The following CEP290 variants were observed in gnomAD, a reference collection of about 807,000 sequenced individuals.
CEP290 encodes centrosomal protein of 290 kDa.
CEP290 carries 317 observed loss-of-function variants against 344.9 expected under a neutral mutation model. That is an observed-to-expected ratio of 0.92 (90% CI 0.84 to 1.01). The LOEUF is 1.01. Among genes scored for constraint, CEP290 ranks in the 50% least tolerant of loss-of-function variants. The pLI is 0.00. For missense variants in CEP290, 2,754 were observed against 2,761.4 expected, an observed-to-expected ratio of 1.00 and a Z score of 0.06; for synonymous variants, 932 against 895.8, an observed-to-expected ratio of 1.04 and a Z score of -0.72.
intron 42 of CEP290, 45 bp from the exon 43 acceptor site, chr12:88,071,494 T>A: frequency 6.6e-7 from 1 of 1,519,396 alleles, no homozygotes; most frequent in African/African-American, 1.4e-5. Context: ...ATTCAGTGTT[T>A]GGCTTTTCAA....
Position 88,049,105 on chromosome 12 carries a change from G to A in CEP290, c.*79C>T, listed in dbSNP as rs1218195483. On this transcript the variant is annotated 3_prime_UTR_variant, in exon 54 of 54. Transcript: ENST00000552810. The stretch of plus-strand genomic sequence containing the variant: ...TAGTGAGAAGGAAATACTACAGTTC[G>A]GAGAACTGCTTATTTCCAAGTATAT... 1.4e-5 allele frequency: 11 copies of A among 781,244 alleles called. No individual in the cohort carries two copies. The highest frequency in any genetic ancestry group is 2.6e-5 in the Admixed American group (1 of 38,832). The allele number at this position is 781,244 out of a possible 1,614,324, so 48.4% of individuals were successfully genotyped here. A position where few individuals can be genotyped will look rare whatever the true frequency, so the allele number is the denominator to read the frequency against.
At chr12:88,092,976 G>A in intron 28 of CEP290, 144 bp from the exon 29 acceptor site, 1 of 641,560 alleles carries the variant, frequency 1.6e-6, no homozygotes, top group Non-Finnish European at 2.5e-6. Context: ...AGAACAGACT[G>A]AAGGAGGGTA....
At chr12:88,125,998 T>C (rs1468128419) in intron 12 of CEP290, among the ~76,000 whole-genome samples, 1 of 152,040 alleles carries the variant, frequency 6.6e-6, no homozygotes, top group African/African-American at 2.4e-5. Context: ...TAAAAGAGTA[T>C]AAAATTATTT....
chr12:88,089,414 G>A lies in CEP290; in HGVS notation c.3647C>T (p.Thr1216Ile), dbSNP rs1592857332. The change falls in exon 31 of 54, where the codon ACT (threonine) becomes ATT (isoleucine). Residue 1216 changes from threonine to isoleucine, a missense_variant. Physicochemically the swap from Thr to Ile is moderately conservative, Grantham distance 89. Coordinates refer to ENST00000552810, the MANE Select transcript of CEP290 (RefSeq NM_025114.4). ...AATTGACTCCAACTTACCAAGAGCA[G>A]TAGCCTCACTCAGTTGAAGAGAGAC... Reference protein sequence around the residue: ...HNVSLQLSEATALGKLESITS... With the variant: ...HNVSLQLSEAIALGKLESITS... 1 of 1,610,488 alleles carries A rather than the reference G, an allele frequency of 6.2e-7. No individual in the cohort carries two copies. Among genetic ancestry groups the A allele is most frequent in the Non-Finnish European group, 8.5e-7 (1 of 1,177,972 alleles).
Position 88,060,037 on chromosome 12 carries a change from CAA to C in CEP290, c.6523-19_6523-18del. 6.6e-7 allele frequency: 1 copy of C among 1,506,662 alleles called. No individual in the cohort carries two copies. Among genetic ancestry groups the C allele is most frequent in the Non-Finnish European group, 8.9e-7 (1 of 1,127,356 alleles). 93.3% of individuals were successfully genotyped at this position (1,506,662 alleles called of 1,614,324 possible). A position where few individuals can be genotyped will look rare whatever the true frequency, so the allele number is the denominator to read the frequency against. On this transcript the variant is annotated intron_variant, in intron 47 of 53. Transcript: ENST00000552810. ...TAATTCAGCCTAGTAAAAAAACAAACAAAATAAAAAGTATACATTATCAAAAC... is the reference window on the plus strand; with the variant it reads ...TAATTCAGCCTAGTAAAAAAACAAACAATAAAAAGTATACATTATCAAAAC...
In CEP290 at chr12:88,086,226, CTA is replaced by C. The variant is rs1484184285; in HGVS notation, c.4303-55_4303-54del. 4 of 1,584,782 alleles carry C rather than the reference CTA, an allele frequency of 2.5e-6. No homozygotes were observed. The South Asian group carries it at 3.6e-5, about 14-fold the overall frequency. Reference sequence around the variant, plus strand: ...AAAGCAGTTGCAGCATTGAGAGTAACTATTAATTTTTACAGCTGTATGATAAA... The same window carrying C: ...AAAGCAGTTGCAGCATTGAGAGTAACTTAATTTTTACAGCTGTATGATAAA... On this transcript the variant is annotated intron_variant, in intron 33 of 53. Transcript: ENST00000552810.
chr12:88,120,902 TG>T, intron 14 of CEP290, 94 bp downstream of exon 14: 2 of 954,296 alleles, frequency 2.1e-6, no homozygotes, highest in Non-Finnish European at 3.1e-6. Context: ...ACTTATGGAA[TG>T]TTTTTTAAAT....
intron 17 of CEP290, among the ~76,000 whole-genome samples, chr12:88,118,148 T>A (rs2039169576): frequency 6.6e-6 from 1 of 151,960 alleles, no homozygotes; most frequent in South Asian, 2.1e-4. Context: ...TAAAAACTAC[T>A]AAGTTTTATT....
At chr12:88,080,440 A>AT in intron 37 of CEP290, 45 bp from the exon 38 acceptor site, 1 of 1,459,436 alleles carries the variant, frequency 6.9e-7, no homozygotes, top group Non-Finnish European at 9.4e-7. Context: ...TTAATTTTTA[A>AT]TTTTTTTGAG....
chr12:88,083,447 A>G (rs1281696250), intron 36 of CEP290, among the ~76,000 whole-genome samples: 4 of 152,236 alleles, frequency 2.6e-5, no homozygotes, highest in Admixed American at 6.5e-5. Flanking sequence ...CAGGAGATCA[A>G]TAAGTGTTGA....
chr12:88,090,787 G>T lies in CEP290; in HGVS notation c.3514C>A (p.Gln1172Lys). The T allele has an allele frequency of 6.4e-7, 1 of 1,562,608 alleles. No homozygotes were observed. ...ARRQVEILNA[Q>K]QQSRDKEVES... ...ACTTCCTTGTCCCTAGATTGTTGTT[G>T]TGCATTCAAAATTTCAACTTGTCTT... The change falls in exon 30 of 54, where the codon CAA becomes AAA. Residue 1172 changes from glutamine to lysine, a missense_variant. Transcript: ENST00000552810.
chr12:88,128,378 T>G (rs2039860032), intron 11 of CEP290, among the ~76,000 whole-genome samples: 2 of 152,200 alleles, frequency 1.3e-5, no homozygotes, highest in Admixed American at 1.3e-4. Context: ...AAATTAGAAT[T>G]ATTCATTCAG....
chr12:88,129,773 T>C lies in CEP290; in HGVS notation c.773A>G (p.Asn258Ser), dbSNP rs2039955904. Reference protein sequence around the residue: ...QEMEKMTDEYNRMKAIVHQTD... With the variant: ...QEMEKMTDEYSRMKAIVHQTD... ...CTGATGCACAATAGCTTTCATTCTA[T>C]TATATTCATCAGTCATCTTCTCCAT... The change falls in exon 10 of 54, where the codon AAT becomes AGT. Residue 258 changes from asparagine (N) to serine (S), a missense_variant. Asn to Ser is a conservative substitution (Grantham distance 46, BLOSUM62 1). Transcript: ENST00000552810. 6.7e-7 allele frequency: 1 copy of C among 1,490,422 alleles called. No homozygotes were observed. Among genetic ancestry groups the C allele is most frequent in the South Asian group, 1.3e-5 (1 of 77,068 alleles). 92.3% of individuals were successfully genotyped at this position (1,490,422 alleles called of 1,614,324 possible).
Position 88,102,950 on chromosome 12 carries a change from G to T in CEP290, c.2879C>A (p.Ser960Tyr). The change falls in exon 26 of 54, where the codon TCT becomes TAT. Residue 960 changes from serine (S) to tyrosine (Y), a missense_variant. Physicochemically the swap from Ser to Tyr is moderately radical, Grantham distance 144 (BLOSUM62 -2). Transcript: ENST00000552810. The stretch of plus-strand genomic sequence containing the variant: ...CTGTTTATTAGCCAGTTCTAGTTCA[G>T]ACAAAGAAACACTATTATCTACAAC... ...QKVVDNSVSLSELELANKQYN... is the reference protein window; with the variant it reads ...QKVVDNSVSLYELELANKQYN... The T allele has an allele frequency of 6.3e-7, 1 of 1,596,724 alleles. No homozygotes were observed. Among genetic ancestry groups the T allele is most frequent in the Non-Finnish European group, 8.5e-7 (1 of 1,174,030 alleles).
chr12:88,056,720 T>A (rs1253784087), intron 49 of CEP290, among the ~76,000 whole-genome samples: 1 of 152,152 alleles, frequency 6.6e-6, no homozygotes, highest in Non-Finnish European at 1.5e-5. Context: ...TGACATAGAA[T>A]ACGTGTTACT....
At chr12:88,115,037 G>T in intron 19 of CEP290, 61 bp downstream of exon 19, 2 of 845,790 alleles carry the variant, frequency 2.4e-6, no homozygotes, top group East Asian at 2.7e-5. Flanking sequence ...GCCCTTTTAG[G>T]CCCATGATTT....
intron 41 of CEP290, among the ~76,000 whole-genome samples, chr12:88,073,575 A>G (rs1275241959): frequency 6.6e-6 from 1 of 152,196 alleles, no homozygotes; most frequent in African/African-American, 2.4e-5. Flanking sequence ...TAAAGGGGAA[A>G]TTATGAAACA....
In CEP290 at chr12:88,109,158, C is replaced by A; in HGVS notation, c.2391G>T (p.Lys797Asn). ...LLQELENKEK[K>N]LKNLEDSLED... ...CAAGAGAATCTTCTAAATTCTTTAA[C>A]TTTTTTTCTTTATTTTCTAGTTCCT... The change falls in exon 23 of 54, where the codon AAG (lysine) becomes AAT (asparagine). Residue 797 changes from lysine to asparagine, a missense_variant. Physicochemically the swap from Lys to Asn is moderately conservative, Grantham distance 94. Coordinates refer to ENST00000552810, the MANE Select transcript of CEP290 (RefSeq NM_025114.4). 1 of 1,331,864 alleles carries A rather than the reference C, an allele frequency of 7.5e-7. No homozygotes were observed. Among genetic ancestry groups the A allele is most frequent in the South Asian group, 1.5e-5 (1 of 66,336 alleles). The allele number at this position is 1,331,864 out of a possible 1,614,324, so 82.5% of individuals were successfully genotyped here. A position where few individuals can be genotyped will look rare whatever the true frequency, so the allele number is the denominator to read the frequency against.
intron 26 of CEP290, 41 bp from the exon 27 acceptor site, chr12:88,097,040 T>C: frequency 1.0e-6 from 1 of 952,592 alleles, no homozygotes; most frequent in South Asian, 1.5e-5. Context: ...TACATTGTAA[T>C]TCAGACCAAT....
Sources: allele counts gnomAD v4.1 joint callset (sites outside exome capture counted in the v4.1 genomes callset), GRCh38; gene constraint gnomAD v4.1.1; transcripts MANE v1.5; gene names NCBI Gene and HGNC (gene_info 2026-07-23, HGNC 2026-07-21).